The following LONP2 variants were observed in gnomAD, a reference collection of about 807,000 sequenced individuals.
LONP2 encodes the protein lon peptidase 2, peroxisomal.
In LONP2, 60 loss-of-function variants were observed where a neutral mutation model predicts 85.6. The ratio of observed to expected loss-of-function variants is 0.70; its 90% CI spans 0.57 to 0.87. The LOEUF is 0.87. Among genes scored for constraint, LONP2 ranks in the 40% least tolerant of loss-of-function variants. The pLI is 0.00. For missense variants in LONP2, 860 were observed against 1,063.5 expected (o/e 0.81, Z 2.66); for synonymous variants, 395 against 389.7 (o/e 1.01, Z -0.16).
At chr16:48,251,732 G>A (rs1474132661) in intron 1 of LONP2, among the ~76,000 whole-genome samples, 1 of 152,220 alleles carries the variant, frequency 6.6e-6, no homozygotes, top group East Asian at 1.9e-4. Flanking sequence ...TTCTTAGATT[G>A]GTTTATGCTA....
chr16:48,316,350 G>A (rs1341618620), intron 11 of LONP2, among the ~76,000 whole-genome samples: 4 of 122,798 alleles, frequency 3.3e-5, no homozygotes, highest in Non-Finnish European at 6.6e-5. Context: ...TTTTTGAGAC[G>A]GAGTCTCGCC....
chr16:48,258,239 C>G (rs913770006), intron 3 of LONP2, among the ~76,000 whole-genome samples: 3 of 151,658 alleles, frequency 2.0e-5, no homozygotes, highest in Non-Finnish European at 4.4e-5. Context: ...CCCAGTTACT[C>G]TGGAGGCTGA....
At chr16:48,302,730 T>A (rs151253381) in intron 10 of LONP2, among the ~76,000 whole-genome samples, 4 of 152,330 alleles carry the variant, frequency 2.6e-5, no homozygotes, top group Admixed American at 6.5e-5. Flanking sequence ...CAGATTTGTT[T>A]TTGTTTTAGT....
At chr16:48,279,606 G>A (rs1972284521) in intron 8 of LONP2, among the ~76,000 whole-genome samples, 1 of 151,674 alleles carries the variant, frequency 6.6e-6, no homozygotes, top group Non-Finnish European at 1.5e-5. Flanking sequence ...CCTGTGCAGA[G>A]AACCACTGTT....
rs1232174186 is a variant in LONP2 at position 48,353,231 on chromosome 16, C to G, written c.*1429C>G. 4 of 152,132 alleles carry G rather than the reference C, an allele frequency of 2.6e-5. No individual in the cohort carries two copies. 9.4% of individuals were successfully genotyped at this position (152,132 alleles called of 1,614,324 possible). ...GGATGAGAAGGAAGTCTGGGCTGGG[C>G]ATGGTGGCTCACGCCTGTAACCCTA... On this transcript the variant is annotated 3_prime_UTR_variant, in exon 15 of 15. Transcript: ENST00000285737.
intron 2 of LONP2, among the ~76,000 whole-genome samples, chr16:48,255,975 C>T (rs902757389): frequency 1.3e-5 from 2 of 152,046 alleles, no homozygotes; most frequent in Non-Finnish European, 2.9e-5. Flanking sequence ...ATTAATATTT[C>T]ATCCTCTGAT....
In LONP2 at chr16:48,261,424, G is replaced by T. The variant is rs763233288; in HGVS notation, c.724G>T (p.Val242Phe). Reference protein sequence around the residue: ...RKPKQDDDKRVIAIRPIRRIT... With the variant: ...RKPKQDDDKRFIAIRPIRRIT... The stretch of plus-strand genomic sequence containing the variant: ...TTTACTTTTCTGCTTTCTATGTTAG[G>T]TTATAGCAATACGCCCTATTAGGAG... Residue 242 changes from valine to phenylalanine, a missense_variant and splice_region_variant, in exon 5 of 15, where the codon GTT becomes TTT. Transcript: ENST00000285737. The T allele has an allele frequency of 4.4e-6, 7 of 1,588,988 alleles. No individual in the cohort carries two copies. The South Asian group carries it at 8.0e-5, about 18-fold the overall frequency.
Position 48,261,515 on chromosome 16 carries a change from T to C in LONP2, c.815T>C (p.Met272Thr), listed in dbSNP as rs1186200837. The change falls in exon 5 of 15, where the codon ATG becomes ACG. Residue 272 changes from methionine to threonine, a missense_variant. Around this residue, in one of 3 missense-constraint regions of LONP2, gnomAD observed 743 missense variants for 917.3 expected, o/e 0.81. Transcript: ENST00000285737. ...DEDEDNDDIV[M>T]LEKKIRTSSM... is the part of the protein sequence containing the mutation. ...GATGAAGATAATGATGACATTGTCA[T>C]GCTAGAGAAAAAAATACGAACATCT... 8 of 1,607,158 alleles carry C rather than the reference T, an allele frequency of 5.0e-6. No homozygotes were observed. The African/African-American group carries it at 8.1e-5, about 16-fold the overall frequency.
At chr16:48,361,725 G>C, downstream of LONP2, 1 of 1,614,170 alleles carries the variant, frequency 6.2e-7, no homozygotes, top group Non-Finnish European at 8.5e-7. Context: ...CGCTTCCCAA[G>C]TCAATCGTCG....
intron 11 of LONP2, among the ~76,000 whole-genome samples, chr16:48,315,247 G>A (rs753084803): frequency 3.3e-5 from 5 of 152,158 alleles, no homozygotes; most frequent in Non-Finnish European, 5.9e-5. Context: ...GTTTGACTTT[G>A]TTAACAGACA....
At chr16:48,282,833 T>C (rs557991774) in intron 8 of LONP2, among the ~76,000 whole-genome samples, 3 of 152,250 alleles carry the variant, frequency 2.0e-5, no homozygotes, top group South Asian at 2.1e-4. Flanking sequence ...TCATTGTAAA[T>C]CGAAAGCTAA....
chr16:48,328,214 A>C (rs187499462), intron 11 of LONP2, among the ~76,000 whole-genome samples: 16 of 152,252 alleles, frequency 1.1e-4, no homozygotes, highest in Admixed American at 5.9e-4. Context: ...GTTCAAGACC[A>C]ACCTGGCCAA....
At chr16:48,361,616 G>A (rs35374298), downstream of LONP2, 5,327 of 1,612,908 alleles carry the variant, frequency 3.3e-3, 119 homozygotes, top group African/African-American at 0.057. Flanking sequence ...TGCCTAAATT[G>A]CCATTTTCTG....
chr16:48,251,478 C>T (rs1971646889), intron 1 of LONP2, among the ~76,000 whole-genome samples: 1 of 152,124 alleles, frequency 6.6e-6, no homozygotes, highest in African/African-American at 2.4e-5. Flanking sequence ...AAATGATTAC[C>T]ACTTAGAACT....
At chr16:48,292,520 G>A (rs1185503927) in intron 8 of LONP2, among the ~76,000 whole-genome samples, 1 of 152,158 alleles carries the variant, frequency 6.6e-6, no homozygotes, top group East Asian at 1.9e-4. Flanking sequence ...AAAGAGGAAG[G>A]CAGGCAAATT....
intron 2 of LONP2, among the ~76,000 whole-genome samples, chr16:48,256,324 T>G (rs905592962): frequency 1.3e-5 from 2 of 152,226 alleles, no homozygotes; most frequent in Non-Finnish European, 2.9e-5. Context: ...TACATTTGAA[T>G]TTTTTTCAAT....
Position 48,284,254 on chromosome 16 carries a change from A to G in LONP2, c.1383+6775A>G, listed in dbSNP as rs183020259. The stretch of plus-strand genomic sequence containing the variant: ...ATGTTGTGAACCTTGTTGAAATTCT[A>G]AACAAGATTTAGAATATTACATAAA... On this transcript the variant is annotated intron_variant, in intron 8 of 14. Transcript: ENST00000285737. 1.3e-3 allele frequency among the ~76,000 whole-genome samples: 195 copies of G among 152,338 alleles called. 1 individual carries two copies. The highest frequency in any genetic ancestry group is 2.3e-3 in the Non-Finnish European group (154 of 68,024).
chr16:48,362,608 C>CTT lies in LONP2; in HGVS notation c.*747_*748dup. On this transcript the variant is annotated 3_prime_UTR_variant, in exon 5 of 5. Transcript: ENST00000565867. The surrounding 1 kb of genome is among the most constrained non-coding windows in gnomAD (Gnocchi z 4.2). ...AAAATAAAATTACACTGAATGTGCA[C>CTT]TTTATTAGGATCTGTACACTGGATA... 1 of 637,068 alleles carries CTT rather than the reference C, an allele frequency of 1.6e-6. No homozygotes were observed. The highest frequency in any genetic ancestry group is 2.0e-5 in the South Asian group (1 of 49,144). 39.5% of individuals were successfully genotyped at this position (637,068 alleles called of 1,614,324 possible).
chr16:48,269,804 G>T (rs1596927861), intron 6 of LONP2, among the ~76,000 whole-genome samples: 1 of 151,992 alleles, frequency 6.6e-6, no homozygotes, highest in Non-Finnish European at 1.5e-5. Flanking sequence ...GTTTTTAATT[G>T]TGTAGTGCCT....
Sources: gnomAD v4.1 joint callset for allele counts (sites outside exome capture counted in the v4.1 genomes callset) on GRCh38, gnomAD v4.1.1 for gene constraint, gnomAD v4.1.1 regional missense constraint, Gnocchi (gnomAD v3.1) non-coding constraint, MANE v1.5 for transcripts, NCBI Gene and HGNC (gene_info 2026-07-23, HGNC 2026-07-21) for gene names.